Variants in GREB1L observed in about 807,000 individuals in gnomAD.
GREB1L encodes GREB1 like retinoic acid receptor coactivator.
Under a neutral mutation model 200.8 loss-of-function variants are expected in GREB1L, and 17 were observed. The ratio of observed to expected loss-of-function variants is 0.08; its 90% CI spans 0.06 to 0.13. The LOEUF is 0.13. Ranked by LOEUF, GREB1L falls within the 10% of genes least tolerant of loss-of-function variation. The pLI is 1.00. For missense variants in GREB1L, 1,657 were observed against 2,367.7 expected, an observed-to-expected ratio of 0.70 and a Z score of 6.23; for synonymous variants, 789 against 893.0, an observed-to-expected ratio of 0.88 and a Z score of 2.08.
At chr18:21,274,910 TA>T (rs1451422424) in intron 1 of GREB1L, among the ~76,000 whole-genome samples, 3 of 151,488 alleles carry the variant, frequency 2.0e-5, no homozygotes, top group South Asian at 4.2e-4. Context: ...ATAATTAATT[TA>T]AAAAATTTTA....
rs534880091 is a variant in GREB1L, at chr18:21,339,312, T to C, written c.-119-26715T>C. ...TAGGAATCCCATATTGTTTCTTCTA[T>C]TCTAAGGCAGTTTTAGGCTGTCAGT... On this transcript the variant is annotated intron_variant, in intron 1 of 32. Transcript: ENST00000424526. 2.0e-5 allele frequency among the ~76,000 whole-genome samples: 3 copies of C among 152,334 alleles called. No homozygotes were observed. In the East Asian group the frequency reaches 5.8e-4, roughly 29 times the overall value.
chr18:21,454,898 C>T lies in GREB1L; in HGVS notation c.2182+335C>T, dbSNP rs1253058159. The T allele has an allele frequency of 1.1e-5, 4 of 357,564 alleles. No individual in the cohort carries two copies. The Admixed American group carries it at 1.7e-4, about 15-fold the overall frequency. The allele number at this position is 357,564 out of a possible 1,614,324, so 22.1% of individuals were successfully genotyped here. A position where few individuals can be genotyped will look rare whatever the true frequency, so the allele number is the denominator to read the frequency against. Reference sequence around the variant, plus strand: ...CCTGCATGGGTTGATGGCGTCTGTGCCACCTGAACTCCTCCCACCTGCAGG... The same window carrying T: ...CCTGCATGGGTTGATGGCGTCTGTGTCACCTGAACTCCTCCCACCTGCAGG... On this transcript the variant is annotated intron_variant, in intron 15 of 32. Coordinates refer to ENST00000424526, the MANE Select transcript of GREB1L (RefSeq NM_001142966.3).
chr18:21,409,390 C>T (rs1203829549), intron 7 of GREB1L, among the ~76,000 whole-genome samples: 1 of 152,088 alleles, frequency 6.6e-6, no homozygotes, highest in East Asian at 1.9e-4. Context: ...TGGAGATGAA[C>T]AGAAAATGGG....
intron 2 of GREB1L, among the ~76,000 whole-genome samples, chr18:21,370,469 A>G (rs898411181): frequency 6.6e-6 from 1 of 152,248 alleles, no homozygotes; most frequent in Admixed American, 6.5e-5. Context: ...TATTTGTCTG[A>G]GAGTCATACA....
intron 7 of GREB1L, among the ~76,000 whole-genome samples, chr18:21,424,983 T>C (rs1442924502): frequency 6.6e-6 from 1 of 152,248 alleles, no homozygotes; most frequent in Non-Finnish European, 1.5e-5. Flanking sequence ...TATGTATCAG[T>C]ACTTTATTCC....
rs1465443065 is a variant in GREB1L at position 21,473,129 on chromosome 18, G to C, written c.2281G>C (p.Glu761Gln). The part of the protein sequence containing the change: ...RLDNEIQTKF[E>Q]VFMRRVKQNP... ...AGACAATGAGATTCAAACCAAGTTT[G>C]AAGTTTTTATGAGGAGAGTGAAACA... Residue 761 changes from glutamate to glutamine, a missense_variant, in exon 16 of 33, where the codon GAA (glutamate) becomes CAA (glutamine). Glu to Gln is a conservative substitution (Grantham distance 29). Coordinates refer to ENST00000424526, the MANE Select transcript of GREB1L (RefSeq NM_001142966.3). 2 of 1,550,840 alleles carry C rather than the reference G, an allele frequency of 1.3e-6. No individual in the cohort carries two copies. The highest frequency in any genetic ancestry group is 1.7e-6 in the Non-Finnish European group (2 of 1,146,594).
intron 5 of GREB1L, among the ~76,000 whole-genome samples, chr18:21,398,594 T>C (rs1390083029): frequency 1.3e-5 from 2 of 152,346 alleles, no homozygotes; most frequent in East Asian, 1.9e-4. Context: ...TTTGATACTC[T>C]TGTCCAAAAA....
chr18:21,444,262 G>T lies in GREB1L; in HGVS notation c.1246G>T (p.Asp416Tyr). 1.3e-6 allele frequency: 2 copies of T among 1,551,696 alleles called. No homozygotes were observed. Among genetic ancestry groups the T allele is most frequent in the South Asian group, 2.4e-5 (2 of 84,050 alleles). ...TLPYFYGNVG[D>Y]IVVSPLLVNC... ...ACCCTATTTCTATGGAAATGTTGGT[G>T]ACATTGTTGTGAGTCCTCTGCTGGT... The change falls in exon 11 of 33, where the codon GAC becomes TAC. Residue 416 changes from aspartate to tyrosine, a missense_variant. Asp to Tyr is a radical substitution (Grantham distance 160, BLOSUM62 -3). Transcript: ENST00000424526.
chr18:21,437,416 G>A (rs1196132336), intron 7 of GREB1L, among the ~76,000 whole-genome samples: 1 of 152,120 alleles, frequency 6.6e-6, no homozygotes, highest in East Asian at 1.9e-4. Flanking sequence ...TTACTAAAGC[G>A]ATCAGATGAA....
chr18:21,342,996 G>A (rs1391284061), intron 1 of GREB1L, among the ~76,000 whole-genome samples: 5 of 152,094 alleles, frequency 3.3e-5, no homozygotes, highest in Non-Finnish European at 7.4e-5. Context: ...ACCTTCATCT[G>A]TTTTTGTCTT....
At chr18:21,250,815 C>A (rs1401319894) in intron 1 of GREB1L, among the ~76,000 whole-genome samples, 1 of 152,116 alleles carries the variant, frequency 6.6e-6, no homozygotes, top group African/African-American at 2.4e-5. Flanking sequence ...TTGGAAAGGG[C>A]ACATTTATAT....
intron 1 of GREB1L, among the ~76,000 whole-genome samples, chr18:21,288,670 AG>A (rs2038396928): frequency 6.6e-6 from 1 of 152,076 alleles, no homozygotes; most frequent in South Asian, 2.1e-4. Context: ...GTATGTGGGA[AG>A]TTATGCTGTT....
At chr18:21,294,394 G>A (rs2038496247) in intron 1 of GREB1L, among the ~76,000 whole-genome samples, 1 of 151,896 alleles carries the variant, frequency 6.6e-6, no homozygotes, top group African/African-American at 2.4e-5. Flanking sequence ...GGTGGTGGAA[G>A]TGACAAGAAA....
chr18:21,457,816 A>G (rs909490365), intron 15 of GREB1L, among the ~76,000 whole-genome samples: 1 of 152,246 alleles, frequency 6.6e-6, no homozygotes, highest in Non-Finnish European at 1.5e-5. Context: ...GAGAGCATCC[A>G]TTAAAATAAC....
At chr18:21,413,703 A>G (rs543644237) in intron 7 of GREB1L, among the ~76,000 whole-genome samples, 94 of 152,232 alleles carry the variant, frequency 6.2e-4, no homozygotes, top group Non-Finnish European at 8.1e-4. Context: ...CATGGATGGG[A>G]GAGAGAAGGA....
intron 23 of GREB1L, among the ~76,000 whole-genome samples, chr18:21,502,537 A>T (rs1395211058): frequency 6.6e-6 from 1 of 152,208 alleles, no homozygotes; most frequent in Non-Finnish European, 1.5e-5. Context: ...AGTAGGTAAA[A>T]TCAGCCATAT....
chr18:21,259,388 A>T (rs995537951), intron 1 of GREB1L, among the ~76,000 whole-genome samples: 4 of 152,310 alleles, frequency 2.6e-5, no homozygotes, highest in East Asian at 3.9e-4. Context: ...ATTAACAATA[A>T]GTAAGCTAAT....
At chr18:21,484,355 G>T (rs60923994) in intron 17 of GREB1L, among the ~76,000 whole-genome samples, 1 of 151,494 alleles carries the variant, frequency 6.6e-6, no homozygotes, top group Non-Finnish European at 1.5e-5. Flanking sequence ...TTGTATTTTC[G>T]GTAGAGATGG....
intron 29 of GREB1L, 139 bp from the exon 30 acceptor site, chr18:21,516,474 T>C (rs761230439): frequency 1.3e-6 from 1 of 770,312 alleles, no homozygotes; most frequent in African/African-American, 1.7e-5. Context: ...CAGGTCAGTG[T>C]TACGAGGGCC....
Sources: allele counts gnomAD v4.1 joint callset (sites outside exome capture counted in the v4.1 genomes callset), GRCh38; gene constraint gnomAD v4.1.1; transcripts MANE v1.5; gene names NCBI Gene and HGNC (gene_info 2026-07-23, HGNC 2026-07-21).